GLS: variants seen among roughly 807,000 people sequenced by gnomAD.
GLS encodes glutaminase kidney isoform, mitochondrial.
A neutral mutation model predicts 86.7 loss-of-function variants in GLS; 36 were observed. That is an observed-to-expected ratio of 0.42 (90% CI 0.32 to 0.55). GLS has a LOEUF of 0.55. GLS is among the 20% of genes least tolerant of loss of function. GLS has a pLI of 0.17. For synonymous variants in GLS, 317 were observed against 305.9 expected (o/e 1.04, Z -0.38); for missense variants, 528 against 833.4 (o/e 0.63, Z 4.51).
intron 17 of GLS, among the ~76,000 whole-genome samples, chr2:190,961,964 G>T (rs1691013600): frequency 6.6e-6 from 1 of 152,158 alleles, no homozygotes; most frequent in Non-Finnish European, 1.5e-5. Flanking sequence ...ATTTTGTAAT[G>T]TAAGTAGAGA....
In GLS at chr2:190,930,311, GC is replaced by G; in HGVS notation, c.1426-124del. The G allele has an allele frequency of 4.4e-6, 3 of 676,284 alleles. No homozygotes were observed. In the South Asian group the frequency reaches 5.2e-5, roughly 12 times the overall value. The allele number at this position is 676,284 out of a possible 1,614,324, so 41.9% of individuals were successfully genotyped here. On this transcript the variant is annotated intron_variant, in intron 12 of 17. Transcript: ENST00000320717. The surrounding 1 kb of genome is among the most constrained non-coding windows in gnomAD (Gnocchi z 5.0). Reference sequence around the variant, plus strand: ...GGGCTCAAGTGATCTGCTTGCCTTGGCCTCCCAAAGTGCTGAGATTACAGGA... The same window carrying G: ...GGGCTCAAGTGATCTGCTTGCCTTGGCTCCCAAAGTGCTGAGATTACAGGA...
At position 190,920,419 on chromosome 2, in the gene GLS, G is replaced by C. The variant is rs1414260720; in HGVS notation, c.1039-605G>C. On this transcript the variant is annotated intron_variant, in intron 7 of 17. Transcript: ENST00000320717. This position sits in a 1 kb window ranked among gnomAD's most constrained non-coding sequence, Gnocchi z 4.2. ...CAGAAGCTAATTTTTTAGAGACTGT[G>C]AAATATAATTTTTTTTAGTTCAAGT... Among the ~76,000 whole-genome samples the C allele has an allele frequency of 6.6e-6, 1 of 151,830 alleles. No homozygotes were observed. Among genetic ancestry groups the C allele is most frequent in the East Asian group, 1.9e-4 (1 of 5,204 alleles).
chr2:190,951,678 G>GAAGAAAGT lies in GLS; in HGVS notation c.1651-1885_1651-1878dup, dbSNP rs1436087419. Reference sequence around the variant, plus strand: ...GGGTCTCCACTGGTATTAAAGGCCTGAAGAAAGTATGGCGGGAACCAACAA... The same window carrying GAAGAAAGT: ...GGGTCTCCACTGGTATTAAAGGCCTGAAGAAAGTAAGAAAGTATGGCGGGAACCAACAA... On this transcript the variant is annotated intron_variant, in intron 14 of 17. Coordinates refer to ENST00000320717, the MANE Select transcript of GLS (RefSeq NM_014905.5). The surrounding 1 kb of genome is among the most constrained non-coding windows in gnomAD (Gnocchi z 4.2). Among the ~76,000 whole-genome samples, 1 of 152,108 alleles carries GAAGAAAGT rather than the reference G, an allele frequency of 6.6e-6. No homozygotes were observed. Among genetic ancestry groups the GAAGAAAGT allele is most frequent in the Non-Finnish European group, 1.5e-5 (1 of 68,018 alleles).
At chr2:190,936,363 GCA>G (rs1172399678) in intron 14 of GLS, among the ~76,000 whole-genome samples, 4 of 150,960 alleles carry the variant, frequency 2.6e-5, no homozygotes, top group Non-Finnish European at 1.5e-5. Flanking sequence ...ATACGTTTGT[GCA>G]TACATATATA....
In GLS at chr2:190,901,487, G is replaced by A. The variant is rs145626437; in HGVS notation, c.736-460G>A. ...AAAAGAATCTGCATATAATTGCACT[G>A]TTTGAAGTTTAAATCCATGTTCAAG... On this transcript the variant is annotated intron_variant, in intron 4 of 17. Transcript: ENST00000320717. Among the ~76,000 whole-genome samples the A allele has an allele frequency of 2.5e-3, 377 of 152,074 alleles. 1 individual carries two copies. The highest frequency in any genetic ancestry group is 8.7e-3 in the African/African-American group (363 of 41,524).
intron 12 of GLS, among the ~76,000 whole-genome samples, chr2:190,929,259 A>G (rs997321396): frequency 6.6e-6 from 1 of 151,886 alleles, no homozygotes; most frequent in African/African-American, 2.4e-5. Flanking sequence ...TTTTAAGAAT[A>G]TATAACTTTT....
At position 190,891,080 on chromosome 2, in the gene GLS, AT is replaced by A. The variant is rs533186888; in HGVS notation, c.387-4067del. Among the ~76,000 whole-genome samples the A allele has an allele frequency of 2.5e-3, 377 of 150,824 alleles. 1 individual carries two copies. The highest frequency in any genetic ancestry group is 8.8e-3 in the African/African-American group (363 of 41,088). On this transcript the variant is annotated intron_variant, in intron 1 of 17. Coordinates refer to ENST00000320717, the MANE Select transcript of GLS (RefSeq NM_014905.5). ...CATTTGATAGTTTTTTATTTATAAG[AT>A]TTTTGAACTGATGAAGATGAGTTTG...
At position 190,943,224 on chromosome 2, in the gene GLS, T is replaced by G. The variant is rs574474966; in HGVS notation, c.1651-10341T>G. ...AGATATTTGTGAGATATCTAAGTAG[T>G]GATGTTGAGTAAGCAGTCAGATTTA... On this transcript the variant is annotated intron_variant, in intron 14 of 17. Transcript: ENST00000320717. This position sits in a 1 kb window ranked among gnomAD's most constrained non-coding sequence, Gnocchi z 4.5. Among the ~76,000 whole-genome samples, 1 of 152,264 alleles carries G rather than the reference T, an allele frequency of 6.6e-6. No individual in the cohort carries two copies. The highest frequency in any genetic ancestry group is 1.9e-4 in the East Asian group (1 of 5,188).
At chr2:190,927,531 C>A in intron 12 of GLS, 49 bp downstream of exon 12, 1 of 1,320,110 alleles carries the variant, frequency 7.6e-7, no homozygotes, top group Non-Finnish European at 1.0e-6. Flanking sequence ...CTAGTCTGAA[C>A]TGGTTCTTTT....
intron 14 of GLS, chr2:190,934,834 A>C: frequency 1.0e-6 from 1 of 973,868 alleles, no homozygotes; most frequent in Non-Finnish European, 1.2e-6. Flanking sequence ...GTTAAGAATG[A>C]GCAGAAATTT....
chr2:190,901,103 A>G (rs1350604992), intron 4 of GLS, among the ~76,000 whole-genome samples: 2 of 152,082 alleles, frequency 1.3e-5, no homozygotes, highest in African/African-American at 4.8e-5. Flanking sequence ...AACTTTGGGT[A>G]GCTTTAGTAT....
At chr2:190,933,040 C>A in intron 14 of GLS, 2 of 1,090,464 alleles carry the variant, frequency 1.8e-6, no homozygotes, top group Non-Finnish European at 2.3e-6. Flanking sequence ...TTAAGAAGTG[C>A]ATTTGTTGGT....
At chr2:190,946,548 G>A (rs1011156935) in intron 14 of GLS, among the ~76,000 whole-genome samples, 2 of 151,850 alleles carry the variant, frequency 1.3e-5, no homozygotes, top group African/African-American at 4.8e-5. Flanking sequence ...CTGAATTCAT[G>A]TTTATATGAA....
rs1331326089 is a variant in GLS at position 190,880,997 on chromosome 2, C to G, written c.-88C>G. The stretch of plus-strand genomic sequence containing the variant: ...TTTCCTCTTCTGTCATCTCACCGCC[C>G]CACCACAGACCGCGTTCCCCGAGGA... On this transcript the variant is annotated 5_prime_UTR_variant, in exon 1 of 18. Transcript: ENST00000320717. 6 of 1,407,044 alleles carry G rather than the reference C, an allele frequency of 4.3e-6. No individual in the cohort carries two copies. In the East Asian group the frequency reaches 8.0e-5, roughly 19 times the overall value. 87.2% of individuals were successfully genotyped at this position (1,407,044 alleles called of 1,614,324 possible). A position where few individuals can be genotyped will look rare whatever the true frequency, so the allele number is the denominator to read the frequency against.
At chr2:190,952,531 A>G (rs1419571453) in intron 14 of GLS, among the ~76,000 whole-genome samples, 2 of 152,200 alleles carry the variant, frequency 1.3e-5, no homozygotes, top group Non-Finnish European at 2.9e-5. Context: ...GTTCCAGTTA[A>G]TTTGGAAGGT....
rs1689435887 is a variant in GLS at position 190,913,853 on chromosome 2, G to A, written c.1038+3532G>A. On this transcript the variant is annotated intron_variant, in intron 7 of 17. Coordinates refer to ENST00000320717, the MANE Select transcript of GLS (RefSeq NM_014905.5). The surrounding 1 kb of genome is among the most constrained non-coding windows in gnomAD (Gnocchi z 6.1). ...TCTCTCTCTGTTGCCCAGTCTAAGT[G>A]CAGTGGTACAGTCATAACCCACTGC... 2.4e-6 allele frequency: 1 copy of A among 418,024 alleles called. No individual in the cohort carries two copies. The highest frequency in any genetic ancestry group is 3.2e-6 in the Non-Finnish European group (1 of 311,472). The allele number at this position is 418,024 out of a possible 1,614,324, so 25.9% of individuals were successfully genotyped here.
chr2:190,946,999 A>G (rs1690590920), intron 14 of GLS, among the ~76,000 whole-genome samples: 3 of 152,202 alleles, frequency 2.0e-5, no homozygotes, highest in Non-Finnish European at 4.4e-5. Flanking sequence ...AACATATTTT[A>G]TAACCAGCCT....
Position 190,954,894 on chromosome 2 carries a change from T to A in GLS, c.1853+76T>A, listed in dbSNP as rs1690821115. The A allele has an allele frequency of 1.0e-6, 1 of 996,934 alleles. No individual in the cohort carries two copies. Among genetic ancestry groups the A allele is most frequent in the African/African-American group, 1.6e-5 (1 of 62,134 alleles). 61.8% of individuals were successfully genotyped at this position (996,934 alleles called of 1,614,324 possible). On this transcript the variant is annotated intron_variant, in intron 17 of 17. Coordinates refer to ENST00000320717, the MANE Select transcript of GLS (RefSeq NM_014905.5). This position sits in a 1 kb window ranked among gnomAD's most constrained non-coding sequence, Gnocchi z 4.0. The stretch of plus-strand genomic sequence containing the variant: ...CTGTAATATTCAAGTGATGATAATA[T>A]TTCAACCTACTAAGACATTCTTGAA...
At chr2:190,883,202 AGG>A (rs1192504460) in intron 1 of GLS, among the ~76,000 whole-genome samples, 2 of 152,186 alleles carry the variant, frequency 1.3e-5, no homozygotes, top group Non-Finnish European at 2.9e-5. Context: ...CCTTTTAGCA[AGG>A]GCCTCAAGGT....
Sources: gnomAD v4.1 joint callset for allele counts (sites outside exome capture counted in the v4.1 genomes callset) on GRCh38, gnomAD v4.1.1 for gene constraint, Gnocchi (gnomAD v3.1) non-coding constraint, MANE v1.5 for transcripts, NCBI Gene and HGNC (gene_info 2026-07-23, HGNC 2026-07-21) for gene names.